The following CAV2 variants were observed in gnomAD, a reference collection of about 807,000 sequenced individuals.
The protein encoded by CAV2 is caveolin 2.
In CAV2, 7 loss-of-function variants were observed where a neutral mutation model predicts 15.5. That is an observed-to-expected ratio of 0.45 (90% CI 0.26 to 0.85). CAV2 has a LOEUF of 0.85. Ranked by LOEUF, CAV2 falls within the 40% of genes least tolerant of loss-of-function variation. CAV2 has a pLI of 0.18. For synonymous variants in CAV2, 76 were observed against 83.1 expected (o/e 0.91, Z 0.46); for missense variants, 229 against 208.8 (o/e 1.10, Z -0.60).
At chr7:116,499,971 C>T in intron 1 of CAV2, 40 bp downstream of exon 1, 1 of 1,597,428 alleles carries the variant, frequency 6.3e-7, no homozygotes, top group South Asian at 1.1e-5. Context: ...CCCGCTGAGG[C>T]CGGGAGGTGC....
At chr7:116,503,944 A>AGGGAGGGAGGGAGGGAG (rs1324197962) in intron 2 of CAV2, among the ~76,000 whole-genome samples, 1 of 136,648 alleles carries the variant, frequency 7.3e-6, no homozygotes, top group Non-Finnish European at 1.6e-5. Flanking sequence ...GGAGGGAGGG[A>AGGGAGGGAGGGAGGGAG]GGAAGACAGA....
chr7:116,505,881 G>T, intron 2 of CAV2, 90 bp from the exon 3 acceptor site: 1 of 756,290 alleles, frequency 1.3e-6, no homozygotes, highest in Non-Finnish European at 2.1e-6. Context: ...TAAGTAAATG[G>T]GTCAGTATTT....
At chr7:116,504,226 A>C (rs527875721) in intron 2 of CAV2, among the ~76,000 whole-genome samples, 1 of 152,284 alleles carries the variant, frequency 6.6e-6, no homozygotes, top group Admixed American at 6.5e-5. Flanking sequence ...TGACAGCATC[A>C]TACAGGCATT....
chr7:116,499,987 C>A, intron 1 of CAV2, 56 bp downstream of exon 1: 1 of 1,580,332 alleles, frequency 6.3e-7, no homozygotes, highest in Non-Finnish European at 8.6e-7. Context: ...GGTGCGGGCG[C>A]CCCTCAGCCC....
rs932882672 is a variant in CAV2, at chr7:116,500,410, G to A, written c.301G>A (p.Gly101Arg). ...FLAIPLAFIA[G>R]ILFATLSCLH... ...GGCCATTCCCCTGGCCTTCATTGCG[G>A]GAATTCTCTTTGCCACCCTCAGCTG... Residue 101 changes from glycine to arginine, a missense_variant, in exon 2 of 3, where the codon GGA (glycine) becomes AGA (arginine). Physicochemically the swap from Gly to Arg is moderately radical, Grantham distance 125 (BLOSUM62 -2). Coordinates refer to ENST00000222693, the MANE Select transcript of CAV2 (RefSeq NM_001233.5). 5.0e-6 allele frequency: 8 copies of A among 1,614,064 alleles called. No homozygotes were observed. The highest frequency in any genetic ancestry group is 6.8e-6 in the Non-Finnish European group (8 of 1,179,976).
intron 2 of CAV2, among the ~76,000 whole-genome samples, chr7:116,502,478 C>CT (rs34545179): frequency 0.33 from 50,793 of 152,022 alleles, 8,682 homozygotes; most frequent in African/African-American, 0.36. Context: ...TAAAAGTTAG[C>CT]TATGCCTTGA....
intron 2 of CAV2, among the ~76,000 whole-genome samples, chr7:116,502,057 T>TCG: frequency 6.6e-6 from 1 of 152,274 alleles, no homozygotes; most frequent in Non-Finnish European, 1.5e-5. Context: ...AAAAACTGAG[T>TCG]GACCGCATAG....
chr7:116,502,881 C>T (rs1793136445), intron 2 of CAV2, among the ~76,000 whole-genome samples: 1 of 152,120 alleles, frequency 6.6e-6, no homozygotes, highest in South Asian at 2.1e-4. Context: ...GTTTGTTAAG[C>T]ACAGGTTATT....
chr7:116,500,196 G>A (rs1375770120), intron 1 of CAV2, 64 bp from the exon 2 acceptor site: 6 of 1,570,404 alleles, frequency 3.8e-6, no homozygotes, highest in African/African-American at 2.7e-5. Context: ...CGCCCAAAGC[G>A]CTCCCGGTTC....
Position 116,503,886 on chromosome 7 carries a change from AGAGG to A in CAV2, c.339-2060_339-2057del, listed in dbSNP as rs149766029. Among the ~76,000 whole-genome samples, 173 of 71,488 alleles carry A rather than the reference AGAGG, an allele frequency of 2.4e-3. 1 individual carries two copies. The highest frequency in any genetic ancestry group is 7.2e-3 in the Middle Eastern group (1 of 138). The allele number at this position is 71,488 out of a possible 152,430, so 46.9% of individuals were successfully genotyped here. A position where few individuals can be genotyped will look rare whatever the true frequency, so the allele number is the denominator to read the frequency against. ...GGGGAGAAGAAAGAGAGAAAGAAAG[AGAGG>A]GAGGGAGGGAGGGAGGGAGGGAGGA... On this transcript the variant is annotated intron_variant, in intron 2 of 2. Transcript: ENST00000222693.
Position 116,507,687 on chromosome 7 carries a change from AAAAG to A in CAV2, c.*1570_*1573del, listed in dbSNP as rs760829376. 3 of 151,900 alleles carry A rather than the reference AAAAG, an allele frequency of 2.0e-5. No individual in the cohort carries two copies. The highest frequency in any genetic ancestry group is 3.4e-3 in the Middle Eastern group (1 of 294). 9.4% of individuals were successfully genotyped at this position (151,900 alleles called of 1,614,324 possible). ...AGTCTGTCTCAAAAAAAAAAAGAAA[AAAAG>A]AAAAAAAGAAAAAAGAAAAATCTCA... On this transcript the variant is annotated 3_prime_UTR_variant, in exon 3 of 3. Coordinates refer to ENST00000222693, the MANE Select transcript of CAV2 (RefSeq NM_001233.5).
intron 2 of CAV2, among the ~76,000 whole-genome samples, chr7:116,505,033 T>TA (rs1289714326): frequency 6.6e-6 from 1 of 152,206 alleles, no homozygotes; most frequent in Non-Finnish European, 1.5e-5. Flanking sequence ...CCTCACTGTT[T>TA]AAAAAAACTT....
chr7:116,501,522 T>C (rs534124048), intron 2 of CAV2, among the ~76,000 whole-genome samples: 1 of 152,374 alleles, frequency 6.6e-6, no homozygotes, highest in Admixed American at 6.5e-5. Flanking sequence ...ATTTAGTCAG[T>C]TAGCTAGCTA....
intron 1 of CAV2, 95 bp downstream of exon 1, chr7:116,500,026 G>C (rs1226231348): frequency 2.0e-6 from 3 of 1,506,634 alleles, no homozygotes; most frequent in East Asian, 2.4e-5. Context: ...CATTGCTACC[G>C]GGTCGGCCCC....
chr7:116,500,674 G>A (rs1793082868), intron 2 of CAV2: 1 of 532,894 alleles, frequency 1.9e-6, no homozygotes, highest in East Asian at 3.2e-5. Flanking sequence ...TCTTTCCTGG[G>A]GTGTGATTTT....
At chr7:116,505,067 A>G (rs1035083560) in intron 2 of CAV2, among the ~76,000 whole-genome samples, 1 of 152,240 alleles carries the variant, frequency 6.6e-6, no homozygotes, top group South Asian at 2.1e-4. Context: ...AAAGACAGAA[A>G]TACAGCATCT....
intron 2 of CAV2, among the ~76,000 whole-genome samples, chr7:116,505,233 G>A (rs1390835945): frequency 6.6e-6 from 1 of 152,216 alleles, no homozygotes; most frequent in African/African-American, 2.4e-5. Flanking sequence ...TCAGGGAAGT[G>A]TGAAGACTTA....
In CAV2 at chr7:116,499,748, A is replaced by G; in HGVS notation, c.-34A>G. The G allele has an allele frequency of 6.8e-7, 1 of 1,478,530 alleles. No homozygotes were observed. Among genetic ancestry groups the G allele is most frequent in the Non-Finnish European group, 9.0e-7 (1 of 1,113,448 alleles). 91.6% of individuals were successfully genotyped at this position (1,478,530 alleles called of 1,614,324 possible). On this transcript the variant is annotated 5_prime_UTR_variant, in exon 1 of 3. Coordinates refer to ENST00000222693, the MANE Select transcript of CAV2 (RefSeq NM_001233.5). ...CGCGGACCGGGAGCCGCACCGCGCC[A>G]GCCGGGCTGCAGCGGCCGCGCACCA...
At chr7:116,503,268 A>C (rs1584755468) in intron 2 of CAV2, among the ~76,000 whole-genome samples, 1 of 151,964 alleles carries the variant, frequency 6.6e-6, no homozygotes, top group East Asian at 1.9e-4. Context: ...TCAGAAGCTA[A>C]ACTATTTGTG....
Sources: gnomAD v4.1 joint callset for allele counts (sites outside exome capture counted in the v4.1 genomes callset) on GRCh38, gnomAD v4.1.1 for gene constraint, MANE v1.5 for transcripts, NCBI Gene and HGNC (gene_info 2026-07-23, HGNC 2026-07-21) for gene names.